CAMK2B: variants seen among roughly 807,000 people sequenced by gnomAD.
CAMK2B encodes calcium/calmodulin-dependent protein kinase type II subunit beta.
A neutral mutation model predicts 93.7 loss-of-function variants in CAMK2B; 27 were observed. That is an observed-to-expected ratio of 0.29 (90% CI 0.21 to 0.40). The LOEUF is 0.40. Ranked by LOEUF, CAMK2B falls within the 10% of genes least tolerant of loss-of-function variation. The pLI is 1.00. For missense variants in CAMK2B, 568 were observed against 895.8 expected (o/e 0.63, Z 4.67); for synonymous variants, 374 against 358.8 (o/e 1.04, Z -0.48).
intron 1 of CAMK2B, among the ~76,000 whole-genome samples, chr7:44,302,123 T>C (rs190953277): frequency 1.3e-5 from 2 of 152,254 alleles, no homozygotes; most frequent in Admixed American, 6.5e-5. Context: ...TATGAAAAAC[T>C]CTATGGCCAT....
rs956252441 is a variant in CAMK2B, at chr7:44,234,237, C to T, written c.1131+153G>A. 1.2e-4 allele frequency among the ~76,000 whole-genome samples: 19 copies of T among 152,342 alleles called. No homozygotes were observed. In the East Asian group the frequency reaches 1.4e-3, roughly 11 times the overall value. ...TGGCCTCTTCTCTCCACTTCACCACCGGTGAGGGATGAGGGGCGGGGGCCA... is the reference window on the plus strand; with the variant it reads ...TGGCCTCTTCTCTCCACTTCACCACTGGTGAGGGATGAGGGGCGGGGGCCA... On this transcript the variant is annotated intron_variant, in intron 15 of 23. Coordinates refer to ENST00000395749, the MANE Select transcript of CAMK2B (RefSeq NM_001220.5).
chr7:44,310,257 C>T (rs1222775233), intron 1 of CAMK2B, among the ~76,000 whole-genome samples: 1 of 152,216 alleles, frequency 6.6e-6, no homozygotes, highest in Non-Finnish European at 1.5e-5. Flanking sequence ...GAAATGTCCA[C>T]GTAATCAGAC....
Position 44,284,149 on chromosome 7 carries a change from T to C in CAMK2B, c.142A>G (p.Lys48Glu). 6.2e-7 allele frequency: 1 copy of C among 1,613,356 alleles called. No individual in the cohort carries two copies. Among genetic ancestry groups the C allele is most frequent in the South Asian group, 1.1e-5 (1 of 91,052 alleles). Residue 48 changes from lysine (K) to glutamate (E), a missense_variant, in exon 2 of 24, where the codon AAG becomes GAG. Physicochemically the swap from Lys to Glu is moderately conservative, Grantham distance 56. Around this residue, in one of 4 missense-constraint regions of CAMK2B, gnomAD observed 105 missense variants for 372.4 expected, o/e 0.28. Transcript: ENST00000395749. ...GCCCTACCTCTGGCTGACAGCTTCT[T>C]GGTGTTGATGATCTTGGCTGCATAC... ...HEYAAKIINT[K>E]KLSARDHQKL...
intron 12 of CAMK2B, among the ~76,000 whole-genome samples, chr7:44,239,961 G>T (rs1413847039): frequency 6.6e-6 from 1 of 152,290 alleles, no homozygotes; most frequent in South Asian, 2.1e-4. Flanking sequence ...TGGTGTGACC[G>T]TGTGCACGCG....
intron 2 of CAMK2B, among the ~76,000 whole-genome samples, chr7:44,273,078 T>C (rs1164480515): frequency 6.6e-6 from 1 of 152,166 alleles, no homozygotes; most frequent in African/African-American, 2.4e-5. Flanking sequence ...TGTGGCTAAG[T>C]ACCCACCCAG....
At chr7:44,235,915 C>G (rs554921144) in intron 13 of CAMK2B, among the ~76,000 whole-genome samples, 13 of 152,350 alleles carry the variant, frequency 8.5e-5, no homozygotes, top group Admixed American at 3.3e-4. Flanking sequence ...CCATGCAGGC[C>G]TGGGTGGGGA....
intron 1 of CAMK2B, among the ~76,000 whole-genome samples, chr7:44,303,705 T>C (rs988590923): frequency 6.6e-6 from 1 of 152,202 alleles, no homozygotes; most frequent in Non-Finnish European, 1.5e-5. Context: ...ATTTCTTAGA[T>C]ACAGTGCCAA....
intron 15 of CAMK2B, among the ~76,000 whole-genome samples, chr7:44,233,136 G>C (rs1275078020): frequency 1.3e-5 from 2 of 152,152 alleles, no homozygotes; most frequent in East Asian, 3.9e-4. Flanking sequence ...GATGGACCGT[G>C]TGGGGCCCCG....
At chr7:44,228,743 T>A in intron 19 of CAMK2B, 53 bp downstream of exon 19, 1 of 1,411,238 alleles carries the variant, frequency 7.1e-7, no homozygotes, top group Admixed American at 3.0e-5. Flanking sequence ...CGCCGGCCAT[T>A]CGCAGGGAGC....
rs543154258 is a variant in CAMK2B at position 44,285,562 on chromosome 7, C to A, written c.66-1337G>T. Among the ~76,000 whole-genome samples, 15 of 152,258 alleles carry A rather than the reference C, an allele frequency of 9.9e-5. 1 individual carries two copies. Among genetic ancestry groups the A allele is most frequent in the Non-Finnish European group, 1.8e-4 (12 of 68,020 alleles). On this transcript the variant is annotated intron_variant, in intron 1 of 23. Transcript: ENST00000395749. ...TGGTGGAAGAGGAGCGTCTTACATA[C>A]GAACACCGTTTTATCTACAGTCCTT...
In CAMK2B at chr7:44,243,347, A is replaced by G. The variant is rs1255072815; in HGVS notation, c.518-14T>C. ...TGCCAGCGAAACCTAGAGAGAGGGG[A>G]AGAGGCCACAAGGGGCTGTCAGCAT... On this transcript the variant is annotated splice_polypyrimidine_tract_variant and intron_variant, in intron 7 of 23. Coordinates refer to ENST00000395749, the MANE Select transcript of CAMK2B (RefSeq NM_001220.5). 1.9e-6 allele frequency: 3 copies of G among 1,613,274 alleles called. No individual in the cohort carries two copies. The highest frequency in any genetic ancestry group is 1.7e-5 in the Admixed American group (1 of 60,020).
intron 19 of CAMK2B, among the ~76,000 whole-genome samples, chr7:44,228,171 G>A (rs1433365787): frequency 6.6e-6 from 1 of 151,976 alleles, no homozygotes; most frequent in Non-Finnish European, 1.5e-5. Flanking sequence ...ACAGGGAGAG[G>A]AGGGAGTCAC....
At chr7:44,221,577 C>T (rs568705830) in intron 20 of CAMK2B, among the ~76,000 whole-genome samples, 2 of 152,350 alleles carry the variant, frequency 1.3e-5, no homozygotes, top group African/African-American at 4.8e-5. Flanking sequence ...GTCTCTTGTT[C>T]CCCGCTTTTC....
intron 1 of CAMK2B, among the ~76,000 whole-genome samples, chr7:44,284,612 A>G (rs1196743272): frequency 1.3e-5 from 2 of 152,236 alleles, no homozygotes; most frequent in Non-Finnish European, 1.5e-5. Flanking sequence ...CCATGTCCAC[A>G]GGCCTCTCAG....
intron 2 of CAMK2B, among the ~76,000 whole-genome samples, chr7:44,278,723 C>T (rs1190580890): frequency 1.1e-4 from 16 of 152,216 alleles, no homozygotes; most frequent in Admixed American, 9.2e-4. Context: ...CACCGCCCAC[C>T]CCAAGAGGCA....
At chr7:44,266,013 C>T (rs985717585) in intron 2 of CAMK2B, among the ~76,000 whole-genome samples, 1 of 152,106 alleles carries the variant, frequency 6.6e-6, no homozygotes, top group African/African-American at 2.4e-5. Context: ...CCAGTTTTGA[C>T]AGTGATCATG....
chr7:44,287,022 C>T (rs887754607), intron 1 of CAMK2B, among the ~76,000 whole-genome samples: 22 of 152,254 alleles, frequency 1.4e-4, no homozygotes, highest in African/African-American at 5.3e-4. Flanking sequence ...GGACACAGGC[C>T]TGCAGGTAGG....
chr7:44,221,327 A>C (rs1018351595), intron 20 of CAMK2B, among the ~76,000 whole-genome samples: 1 of 151,622 alleles, frequency 6.6e-6, no homozygotes. Flanking sequence ...TCCCGGCCCC[A>C]CTCTCCTCCC....
rs1232930424 is a variant in CAMK2B at position 44,248,889 on chromosome 7, G to C, written c.342-1697C>G. Among the ~76,000 whole-genome samples the C allele has an allele frequency of 6.6e-6, 1 of 152,136 alleles. No individual in the cohort carries two copies. The highest frequency in any genetic ancestry group is 1.5e-5 in the Non-Finnish European group (1 of 68,016). ...TCATGGGAGACAGCCCCTTGGTGGT[G>C]TCACTTCAATGTCACCAAGAGTGGG... On this transcript the variant is annotated intron_variant, in intron 5 of 23. Coordinates refer to ENST00000395749, the MANE Select transcript of CAMK2B (RefSeq NM_001220.5). The surrounding 1 kb of genome is among the most constrained non-coding windows in gnomAD (Gnocchi z 4.1).
Sources: allele counts gnomAD v4.1 joint callset (sites outside exome capture counted in the v4.1 genomes callset), GRCh38; gene constraint gnomAD v4.1.1; regional missense constraint gnomAD v4.1.1; non-coding constraint Gnocchi (gnomAD v3.1); transcripts MANE v1.5; gene names NCBI Gene and HGNC (gene_info 2026-07-23, HGNC 2026-07-21).